Variants in SCHIP1 observed in about 807,000 individuals in gnomAD.
The protein encoded by SCHIP1 is schwannomin-interacting protein 1.
A neutral mutation model predicts 29.7 loss-of-function variants in SCHIP1; 8 were observed. The ratio of observed to expected loss-of-function variants is 0.27; its 90% CI spans 0.16 to 0.49. The LOEUF is 0.49. SCHIP1 is among the 20% of genes least tolerant of loss of function. The pLI is 0.99. For synonymous variants in SCHIP1, 76 were observed against 94.9 expected (o/e 0.80, Z 1.16); for missense variants, 193 against 294.6 (o/e 0.66, Z 2.52).
At chr3:159,684,532 G>A in the SCHIP1 span, among the ~76,000 whole-genome samples, 3 of 152,128 alleles carry the variant, frequency 2.0e-5, no homozygotes, top group Non-Finnish European at 2.9e-5. Flanking sequence ...TCTGCCGGGT[G>A]TGGTGGCTCA....
At chr3:159,419,565 T>G in the SCHIP1 span, among the ~76,000 whole-genome samples, 2 of 152,166 alleles carry the variant, frequency 1.3e-5, no homozygotes, top group East Asian at 3.9e-4. Flanking sequence ...TCCCAGCACT[T>G]TGGGAGGCCA....
the SCHIP1 span, among the ~76,000 whole-genome samples, chr3:159,409,097 A>C: frequency 6.6e-6 from 1 of 152,168 alleles, no homozygotes. Context: ...TCCCTTCATG[A>C]CAAAAACCCT....
At chr3:159,802,078 A>G in the SCHIP1 span, among the ~76,000 whole-genome samples, 215 of 152,336 alleles carry the variant, frequency 1.4e-3, no homozygotes, top group African/African-American at 5.1e-3. Flanking sequence ...CTTAAAATCC[A>G]TAACCTTTCA....
At chr3:159,408,488 C>A in the SCHIP1 span, among the ~76,000 whole-genome samples, 1 of 151,174 alleles carries the variant, frequency 6.6e-6, no homozygotes, top group Non-Finnish European at 1.5e-5. Flanking sequence ...AAAAAGGAGA[C>A]ATTACAACTG....
the SCHIP1 span, among the ~76,000 whole-genome samples, chr3:159,288,674 G>A: frequency 6.6e-6 from 1 of 152,330 alleles, no homozygotes; most frequent in East Asian, 1.9e-4. Flanking sequence ...GGAGGCAGAG[G>A]TTGCAGTGAG....
the SCHIP1 span, among the ~76,000 whole-genome samples, chr3:159,520,712 C>G: frequency 3.3e-5 from 5 of 152,206 alleles, no homozygotes; most frequent in Admixed American, 2.0e-4. Context: ...TCAACTAATT[C>G]TCCATCCTAA....
At chr3:159,409,630 G>A in the SCHIP1 span, among the ~76,000 whole-genome samples, 3 of 152,082 alleles carry the variant, frequency 2.0e-5, no homozygotes, top group Non-Finnish European at 4.4e-5. Flanking sequence ...GAAAGAAATG[G>A]AAGATGACAC....
chr3:159,737,214 C>T, the SCHIP1 span, among the ~76,000 whole-genome samples: 1 of 152,138 alleles, frequency 6.6e-6, no homozygotes, highest in African/African-American at 2.4e-5. Flanking sequence ...CATCCTTCTC[C>T]CCTGACTTTA....
At chr3:159,394,795 G>A in the SCHIP1 span, among the ~76,000 whole-genome samples, 1 of 152,072 alleles carries the variant, frequency 6.6e-6, no homozygotes, top group Admixed American at 6.5e-5. Context: ...TTGTGTCTCT[G>A]CCCGGCTTTG....
At chr3:159,827,806 C>T in the SCHIP1 span, among the ~76,000 whole-genome samples, 1 of 139,604 alleles carries the variant, frequency 7.2e-6, no homozygotes, top group Non-Finnish European at 1.5e-5. Flanking sequence ...AGCGAGACTC[C>T]GTCTCAAAAA....
the SCHIP1 span, among the ~76,000 whole-genome samples, chr3:159,408,101 A>G: frequency 6.6e-6 from 1 of 152,128 alleles, no homozygotes; most frequent in African/African-American, 2.4e-5. Context: ...GATCGAGACC[A>G]TCCTGGCTAA....
chr3:159,291,545 G>A, the SCHIP1 span, among the ~76,000 whole-genome samples: 1 of 152,066 alleles, frequency 6.6e-6, no homozygotes, highest in African/African-American at 2.4e-5. Flanking sequence ...ATCATGAATG[G>A]ATGAAGCCAC....
the SCHIP1 span, among the ~76,000 whole-genome samples, chr3:159,801,523 A>G: frequency 6.6e-6 from 1 of 152,180 alleles, no homozygotes; most frequent in Non-Finnish European, 1.5e-5. Flanking sequence ...CTGCATGGAC[A>G]TTTTGTTATC....
chr3:159,644,455 G>A, the SCHIP1 span, among the ~76,000 whole-genome samples: 21,273 of 151,938 alleles, frequency 0.14, 4,068 homozygotes, highest in African/African-American at 0.43. Flanking sequence ...CAGGTTATCT[G>A]TAATTCTAGT....
chr3:159,688,262 G>A, the SCHIP1 span, among the ~76,000 whole-genome samples: 2 of 152,144 alleles, frequency 1.3e-5, no homozygotes, highest in Non-Finnish European at 2.9e-5. Flanking sequence ...TCCAGCATCA[G>A]TTGTTTCCTG....
At chr3:159,314,136 G>A in the SCHIP1 span, among the ~76,000 whole-genome samples, 1 of 152,198 alleles carries the variant, frequency 6.6e-6, no homozygotes. Context: ...GTCAGTGCTT[G>A]CATTTTATCT....
the SCHIP1 span, among the ~76,000 whole-genome samples, chr3:159,426,578 G>C: frequency 6.6e-6 from 1 of 152,200 alleles, no homozygotes; most frequent in Non-Finnish European, 1.5e-5. Context: ...GGATCAGATG[G>C]ATTCACAGCC....
the SCHIP1 span, among the ~76,000 whole-genome samples, chr3:159,802,972 T>C: frequency 6.6e-6 from 1 of 152,180 alleles, no homozygotes; most frequent in Admixed American, 6.5e-5. Flanking sequence ...TGTGTTGTAA[T>C]TGACTGTAGG....
chr3:159,507,926 CTCTT>C, the SCHIP1 span, among the ~76,000 whole-genome samples: 1 of 152,048 alleles, frequency 6.6e-6, no homozygotes, highest in African/African-American at 2.4e-5. Context: ...GTCTAAAATT[CTCTT>C]TTTTTGTTGT....
Sources: gnomAD v4.1 joint callset for allele counts (sites outside exome capture counted in the v4.1 genomes callset) on GRCh38, gnomAD v4.1.1 for gene constraint, MANE v1.5 for transcripts, NCBI Gene and HGNC (gene_info 2026-07-23, HGNC 2026-07-21) for gene names.